The following KLHL2 variants were observed in gnomAD, a reference collection of about 807,000 sequenced individuals.
KLHL2 encodes kelch-like protein 2.
Under a neutral mutation model 75.8 loss-of-function variants are expected in KLHL2, and 15 were observed. The observed-to-expected ratio is 0.20, with a 90% CI of 0.13 to 0.30. The LOEUF (loss-of-function observed/expected upper bound fraction) is 0.30, where lower values mean the gene tolerates loss of function less well. Ranked by LOEUF, KLHL2 falls within the 10% of genes least tolerant of loss-of-function variation. The pLI, the probability that KLHL2 is intolerant of heterozygous loss-of-function variation, is 1.00. For missense variants in KLHL2, 381 were observed against 741.0 expected, an observed-to-expected ratio of 0.51 and a Z score of 5.64; for synonymous variants, 214 against 251.9, an observed-to-expected ratio of 0.85 and a Z score of 1.42.
intron 6 of KLHL2, among the ~76,000 whole-genome samples, chr4:165,296,186 G>A (rs1300978783): frequency 6.6e-6 from 1 of 152,216 alleles, no homozygotes; most frequent in African/African-American, 2.4e-5. Context: ...TGGAGCTTCA[G>A]TTCTTCTGCA....
intron 5 of KLHL2, among the ~76,000 whole-genome samples, chr4:165,264,704 G>GTGTGTATATATATATATATATATA (rs1323043527): frequency 2.4e-5 from 2 of 82,872 alleles, no homozygotes; most frequent in Admixed American, 1.7e-4. Context: ...GTGTGTGTGT[G>GTGTGTATATATATATATATATATA]TATATATATA....
chr4:165,213,673 C>A (rs1476485543), intron 1 of KLHL2, among the ~76,000 whole-genome samples: 1 of 152,232 alleles, frequency 6.6e-6, no homozygotes, highest in Non-Finnish European at 1.5e-5. Context: ...GGAGGAAGAT[C>A]TCAATTCAGC....
In KLHL2 at chr4:165,314,180, T is replaced by G. The variant is rs967657513; in HGVS notation, c.1609+14T>G. The G allele has an allele frequency of 6.2e-7, 1 of 1,606,522 alleles. No individual in the cohort carries two copies. The highest frequency in any genetic ancestry group is 8.5e-7 in the Non-Finnish European group (1 of 1,176,640). On this transcript the variant is annotated intron_variant, in intron 13 of 14. Coordinates refer to ENST00000226725, the MANE Select transcript of KLHL2 (RefSeq NM_007246.4). ...GAAGAAATGCAGGTATCTGTCAGTT[T>G]AAGGTTATAAAACTTATGTTGAATT...
intron 5 of KLHL2, among the ~76,000 whole-genome samples, chr4:165,291,520 G>A (rs1313150090): frequency 1.3e-5 from 2 of 152,154 alleles, no homozygotes; most frequent in African/African-American, 4.8e-5. Flanking sequence ...TGGAGTCTGT[G>A]TCTAGATTTA....
intron 14 of KLHL2, 25 bp downstream of exon 14, chr4:165,317,994 T>A (rs1746705111): frequency 6.2e-7 from 1 of 1,605,452 alleles, no homozygotes; most frequent in Non-Finnish European, 8.5e-7. Context: ...TAAAGTCAAT[T>A]TCCGTACAAA....
chr4:165,224,626 G>T (rs1001365863), intron 2 of KLHL2, among the ~76,000 whole-genome samples: 5 of 152,176 alleles, frequency 3.3e-5, no homozygotes, highest in Admixed American at 6.5e-5. Flanking sequence ...AAAAACATTT[G>T]ATTTGTGGCT....
chr4:165,286,364 GT>G (rs1035280956), intron 5 of KLHL2, among the ~76,000 whole-genome samples: 14 of 152,140 alleles, frequency 9.2e-5, no homozygotes, highest in Non-Finnish European at 2.1e-4. Flanking sequence ...GGGGGGAGAG[GT>G]TGGATCTGGG....
chr4:165,262,126 T>C (rs1361605813), intron 4 of KLHL2, among the ~76,000 whole-genome samples: 3 of 152,232 alleles, frequency 2.0e-5, no homozygotes, highest in African/African-American at 7.2e-5. Flanking sequence ...TTTTCTATTA[T>C]TGACTTATTT....
At chr4:165,275,630 C>A (rs564491417) in intron 5 of KLHL2, among the ~76,000 whole-genome samples, 15 of 152,102 alleles carry the variant, frequency 9.9e-5, no homozygotes, top group Non-Finnish European at 2.2e-4. Context: ...AAAATAGAGA[C>A]GGGCTCTTGC....
chr4:165,248,788 T>C (rs1740459739), intron 4 of KLHL2, among the ~76,000 whole-genome samples: 1 of 152,216 alleles, frequency 6.6e-6, no homozygotes, highest in Admixed American at 6.5e-5. Flanking sequence ...AGGTAAAAAG[T>C]CTTACTATGT....
intron 2 of KLHL2, among the ~76,000 whole-genome samples, chr4:165,227,211 A>G (rs1322679231): frequency 1.3e-5 from 2 of 152,168 alleles, no homozygotes; most frequent in Admixed American, 6.5e-5. Context: ...ATACAGCATC[A>G]TGAGCCATTA....
intron 5 of KLHL2, among the ~76,000 whole-genome samples, chr4:165,264,713 T>TATATATAA: frequency 1.3e-5 from 1 of 74,464 alleles, no homozygotes; most frequent in East Asian, 5.1e-4. Context: ...TGTATATATA[T>TATATATAA]ATATATACAT....
chr4:165,268,527 G>T (rs1476275293), intron 5 of KLHL2, among the ~76,000 whole-genome samples: 1 of 152,154 alleles, frequency 6.6e-6, no homozygotes, highest in Non-Finnish European at 1.5e-5. Flanking sequence ...CGTTTTCAGT[G>T]ACTTCAAAGA....
At chr4:165,239,716 G>A (rs1316793107) in intron 4 of KLHL2, among the ~76,000 whole-genome samples, 1 of 152,164 alleles carries the variant, frequency 6.6e-6, no homozygotes, top group African/African-American at 2.4e-5. Flanking sequence ...GGAGTAAAAG[G>A]TGAAAATCCC....
At chr4:165,271,122 G>C (rs2126340238) in intron 5 of KLHL2, among the ~76,000 whole-genome samples, 1 of 151,558 alleles carries the variant, frequency 6.6e-6, no homozygotes, top group African/African-American at 2.4e-5. Flanking sequence ...GGATTACATT[G>C]GCTATTTGGG....
intron 1 of KLHL2, 159 bp from the exon 2 acceptor site, chr4:165,219,775 A>T: frequency 7.5e-7 from 1 of 1,339,810 alleles, no homozygotes; most frequent in African/African-American, 1.5e-5. Flanking sequence ...AACTGTTCTT[A>T]ATTGTCTTAA....
intron 9 of KLHL2, among the ~76,000 whole-genome samples, chr4:165,308,489 T>G (rs1745899398): frequency 6.6e-6 from 1 of 152,202 alleles, no homozygotes; most frequent in South Asian, 2.1e-4. Flanking sequence ...GTAATTAAAC[T>G]TCTGGGCACT....
chr4:165,322,678 A>C lies in KLHL2; in HGVS notation c.*618A>C, dbSNP rs1747067687. ...TTGGCACAGTACTTTGAATTATGCCAGTACTACATTGTAAAACAGAGTTGT... is the reference window on the plus strand; with the variant it reads ...TTGGCACAGTACTTTGAATTATGCCCGTACTACATTGTAAAACAGAGTTGT... On this transcript the variant is annotated 3_prime_UTR_variant, in exon 15 of 15. Coordinates refer to ENST00000226725, the MANE Select transcript of KLHL2 (RefSeq NM_007246.4). The C allele has an allele frequency of 6.5e-6, 1 of 152,692 alleles. No homozygotes were observed. Among genetic ancestry groups the C allele is most frequent in the South Asian group, 2.1e-4 (1 of 4,836 alleles). 9.5% of individuals were successfully genotyped at this position (152,692 alleles called of 1,614,324 possible).
intron 6 of KLHL2, among the ~76,000 whole-genome samples, chr4:165,296,670 G>C (rs1032904895): frequency 3.3e-5 from 5 of 152,142 alleles, no homozygotes; most frequent in African/African-American, 1.2e-4. Context: ...TGAGCAGCAG[G>C]TTCCGATATG....
Sources: gnomAD v4.1 joint callset for allele counts (sites outside exome capture counted in the v4.1 genomes callset) on GRCh38, gnomAD v4.1.1 for gene constraint, MANE v1.5 for transcripts, NCBI Gene and HGNC (gene_info 2026-07-23, HGNC 2026-07-21) for gene names.